Variants in ATL2 observed in about 807,000 individuals in gnomAD.
The protein encoded by ATL2 is atlastin GTPase 2, also known as atlastin-2.
In ATL2, 31 loss-of-function variants were observed where a neutral mutation model predicts 73.9. The ratio of observed to expected loss-of-function variants is 0.42; its 90% CI spans 0.32 to 0.57. The LOEUF (loss-of-function observed/expected upper bound fraction) is 0.57. Among genes scored for constraint, ATL2 ranks in the 20% least tolerant of loss-of-function variants. The pLI, the probability that ATL2 is intolerant of heterozygous loss-of-function variation, is 0.14. For synonymous variants in ATL2, 291 were observed against 237.5 expected, an observed-to-expected ratio of 1.23 and a Z score of -2.07; for missense variants, 738 against 702.6, an observed-to-expected ratio of 1.05 and a Z score of -0.57.
At chr2:38,296,476 A>T (rs868275641) in intron 12 of ATL2, 2 of 1,604,896 alleles carry the variant, frequency 1.2e-6, no homozygotes, top group African/African-American at 1.3e-5. Flanking sequence ...AAGGTTAAAA[A>T]TACTGTCTAA....
chr2:38,342,408 T>G (rs375765742), intron 2 of ATL2, among the ~76,000 whole-genome samples: 2 of 152,072 alleles, frequency 1.3e-5, no homozygotes, highest in Non-Finnish European at 2.9e-5. Flanking sequence ...GTCCTAGATG[T>G]CAGGGAAGGC....
At position 38,295,842 on chromosome 2, in the gene ATL2, A is replaced by C; in HGVS notation, c.*152T>G. 1.6e-6 allele frequency: 1 copy of C among 621,228 alleles called. No homozygotes were observed. The highest frequency in any genetic ancestry group is 2.7e-6 in the Non-Finnish European group (1 of 372,254). 38.5% of individuals were successfully genotyped at this position (621,228 alleles called of 1,614,324 possible). A position where few individuals can be genotyped will look rare whatever the true frequency, so the allele number is the denominator to read the frequency against. On this transcript the variant is annotated 3_prime_UTR_variant, in exon 13 of 13. Coordinates refer to ENST00000378954, the MANE Select transcript of ATL2 (RefSeq NM_001135673.4). ...AAAAGAATGCTTAAAACTAACAAACAATCTTCACACTCTGTGGCAGCCATC... is the reference window on the plus strand; with the variant it reads ...AAAAGAATGCTTAAAACTAACAAACCATCTTCACACTCTGTGGCAGCCATC...
intron 1 of ATL2, among the ~76,000 whole-genome samples, chr2:38,375,623 A>C (rs1190639739): frequency 6.6e-6 from 1 of 152,148 alleles, no homozygotes. Flanking sequence ...TAAAACTCTT[A>C]CCTCAAAAAA....
chr2:38,302,045 G>A (rs932648586), intron 9 of ATL2, among the ~76,000 whole-genome samples: 4 of 152,176 alleles, frequency 2.6e-5, no homozygotes, highest in Admixed American at 2.6e-4. Context: ...CCCAATTTCA[G>A]TCCCCAGTTC....
chr2:38,326,744 C>T (rs185369534), intron 2 of ATL2, among the ~76,000 whole-genome samples: 3 of 152,064 alleles, frequency 2.0e-5, no homozygotes, highest in Middle Eastern at 3.4e-3. Flanking sequence ...TCCCAGCACT[C>T]GGGGAGGCCG....
At chr2:38,347,413 A>T (rs1670085671) in intron 1 of ATL2, among the ~76,000 whole-genome samples, 1 of 152,158 alleles carries the variant, frequency 6.6e-6, no homozygotes, top group African/African-American at 2.4e-5. Flanking sequence ...CACATGGCTT[A>T]TGTCTCCATC....
At position 38,298,273 on chromosome 2, in the gene ATL2, A is replaced by G; in HGVS notation, c.1503T>C (p.Ala501=). 6.2e-7 allele frequency: 1 copy of G among 1,614,172 alleles called. No individual in the cohort carries two copies. Among genetic ancestry groups the G allele is most frequent in the Non-Finnish European group, 8.5e-7 (1 of 1,179,994 alleles). Residue 501 remains alanine (A), a synonymous_variant, in exon 12 of 13, where the codon GCT becomes GCC. Transcript: ENST00000378954. ...ACCCCATGACAAGGTTACACAAGAC[A>G]GCTATAGAGTTTAGGCCAATGAAGC... ...LTGFIGLNSI[A]VLCNLVMGLA... is the part of the protein sequence containing the mutation.
chr2:38,304,723 G>A (rs1420753384), intron 9 of ATL2, among the ~76,000 whole-genome samples: 1 of 152,120 alleles, frequency 6.6e-6, no homozygotes, highest in East Asian at 1.9e-4. Flanking sequence ...GGCAATCAGT[G>A]TTATCAGTTT....
At chr2:38,311,686 G>A (rs1401576162) in intron 7 of ATL2, among the ~76,000 whole-genome samples, 1 of 152,174 alleles carries the variant, frequency 6.6e-6, no homozygotes, top group African/African-American at 2.4e-5. Context: ...GGGTTTTGGG[G>A]GAAGGTTGCT....
chr2:38,317,406 C>G (rs1205871166), intron 4 of ATL2, among the ~76,000 whole-genome samples: 3 of 152,188 alleles, frequency 2.0e-5, no homozygotes, highest in Non-Finnish European at 4.4e-5. Context: ...TAATTCAGTC[C>G]AATCCATCTA....
In ATL2 at chr2:38,341,442, G is replaced by C. The variant is rs184096734; in HGVS notation, c.363+1826C>G. Among the ~76,000 whole-genome samples, 235 of 152,202 alleles carry C rather than the reference G, an allele frequency of 1.5e-3. 3 individuals carry two copies. The highest frequency in any genetic ancestry group is 5.4e-3 in the African/African-American group (226 of 41,526). ...ACTTGAGGCCAGGAGTTCAAGACCA[G>C]CCTGGACAACATAGTGAGAACCCCA... On this transcript the variant is annotated intron_variant, in intron 2 of 12. Transcript: ENST00000378954.
intron 2 of ATL2, among the ~76,000 whole-genome samples, chr2:38,339,522 G>T (rs1247177342): frequency 6.6e-6 from 1 of 152,044 alleles, no homozygotes; most frequent in East Asian, 1.9e-4. Context: ...TATAAAAAAT[G>T]TGTTTGAAAA....
intron 1 of ATL2, among the ~76,000 whole-genome samples, chr2:38,343,944 T>C (rs1669875169): frequency 6.6e-6 from 1 of 152,072 alleles, no homozygotes; most frequent in South Asian, 2.1e-4. Flanking sequence ...CCGCCATGAT[T>C]GTGAGACCTC....
At chr2:38,359,317 A>G (rs1051661196) in intron 1 of ATL2, among the ~76,000 whole-genome samples, 2 of 152,026 alleles carry the variant, frequency 1.3e-5, no homozygotes, top group Non-Finnish European at 2.9e-5. Flanking sequence ...TAAAAATACA[A>G]AAATTAGCCA....
At chr2:38,341,131 C>A (rs1159392356) in intron 2 of ATL2, among the ~76,000 whole-genome samples, 1 of 152,204 alleles carries the variant, frequency 6.6e-6, no homozygotes, top group African/African-American at 2.4e-5. Context: ...TTCTAACTTT[C>A]TACTGTCTGT....
intron 1 of ATL2, among the ~76,000 whole-genome samples, chr2:38,357,011 A>C (rs1300045366): frequency 6.6e-6 from 1 of 152,176 alleles, no homozygotes; most frequent in Non-Finnish European, 1.5e-5. Context: ...TACAGTACAT[A>C]ATTTAATGCT....
intron 2 of ATL2, among the ~76,000 whole-genome samples, chr2:38,333,395 C>A (rs77180764): frequency 5.1e-4 from 78 of 152,210 alleles, no homozygotes; most frequent in Non-Finnish European, 1.0e-3. Flanking sequence ...AAAAAAAAGT[C>A]TCCTCCAAAA....
chr2:38,368,592 A>T (rs60988957), intron 1 of ATL2, among the ~76,000 whole-genome samples: 18,701 of 152,214 alleles, frequency 0.12, 3,376 homozygotes, highest in African/African-American at 0.4. Context: ...ATGCCTAAAG[A>T]CTAAGACTAC....
chr2:38,299,194 T>C, intron 11 of ATL2, 62 bp downstream of exon 11: 2 of 1,402,800 alleles, frequency 1.4e-6, no homozygotes, highest in Non-Finnish European at 1.9e-6. Flanking sequence ...TTTTTTAATT[T>C]TTTTTTTTTT....
Sources: gnomAD v4.1 joint callset for allele counts (sites outside exome capture counted in the v4.1 genomes callset) on GRCh38, gnomAD v4.1.1 for gene constraint, MANE v1.5 for transcripts, NCBI Gene and HGNC (gene_info 2026-07-23, HGNC 2026-07-21) for gene names.